PIKFYVE: variants seen among roughly 807,000 people sequenced by gnomAD.
PIKFYVE encodes phosphoinositide kinase, FYVE-type zinc finger containing.
PIKFYVE carries 122 observed loss-of-function variants against 257.9 expected under a neutral mutation model. The observed-to-expected ratio is 0.47, with a 90% CI of 0.41 to 0.55. PIKFYVE has a LOEUF of 0.55. Ranked by LOEUF, PIKFYVE falls within the 20% of genes least tolerant of loss-of-function variation. The pLI is 0.00. For synonymous variants in PIKFYVE, 892 were observed against 868.9 expected (o/e 1.03, Z -0.47); for missense variants, 2,160 against 2,536.6 (o/e 0.85, Z 3.19).
At chr2:208,289,485 G>A (rs1211367428) in intron 7 of PIKFYVE, among the ~76,000 whole-genome samples, 4 of 151,738 alleles carry the variant, frequency 2.6e-5, no homozygotes, top group African/African-American at 4.8e-5. Context: ...GCTGGAGTGC[G>A]GTGGTGTGAT....
At chr2:208,310,597 G>T (rs1694834480) in intron 12 of PIKFYVE, among the ~76,000 whole-genome samples, 2 of 152,170 alleles carry the variant, frequency 1.3e-5, no homozygotes, top group African/African-American at 4.8e-5. Flanking sequence ...ATCTCTAGAT[G>T]TAGTTTTCCG....
chr2:208,355,292 G>A lies in PIKFYVE; in HGVS notation c.6284G>A (p.Gly2095Asp). Reference protein sequence around the residue: ...LMVPDHWTGLGLNC With the variant: ...LMVPDHWTGLDLNC ...GTACCAGACCACTGGACAGGCTTGG[G>A]TCTGAATTGCTGAAATCAAGCACAT... The change falls in exon 42 of 42, where the codon GGT becomes GAT. Residue 2095 changes from glycine (G) to aspartate (D), a missense_variant. Physicochemically the swap from Gly to Asp is moderately conservative, Grantham distance 94. This residue lies in a region of PIKFYVE where 38 missense variants were observed against 77.7 expected (regional missense o/e 0.49). Transcript: ENST00000264380. The A allele has an allele frequency of 6.2e-7, 1 of 1,613,356 alleles. No individual in the cohort carries two copies. Among genetic ancestry groups the A allele is most frequent in the Non-Finnish European group, 8.5e-7 (1 of 1,179,318 alleles).
At position 208,318,040 on chromosome 2, in the gene PIKFYVE, AC is replaced by A; in HGVS notation, c.2082+100del. 4.8e-6 allele frequency: 6 copies of A among 1,243,078 alleles called. No individual in the cohort carries two copies. The South Asian group carries it at 6.0e-5, about 12-fold the overall frequency. The allele number at this position is 1,243,078 out of a possible 1,614,324, so 77.0% of individuals were successfully genotyped here. A position where few individuals can be genotyped will look rare whatever the true frequency, so the allele number is the denominator to read the frequency against. ...TAGTTATGGAAGAAATGGACAATGG[AC>A]AATGAAAGGCAGCTGTGTCTGCCAT... On this transcript the variant is annotated intron_variant, in intron 16 of 41. Transcript: ENST00000264380.
Position 208,326,045 on chromosome 2 carries a change from A to C in PIKFYVE, c.3234A>C (p.Arg1078=). ...AAAAGGGGATGAGATGCTCTACCCG[A>C]GATTATTTTGCAGAGCAGGTTTACT... ...LTEKGMRCST[R]DYFAEQVYWS... Residue 1078 remains arginine (R), a synonymous_variant, in exon 20 of 42, where the codon CGA becomes CGC. Coordinates refer to ENST00000264380, the MANE Select transcript of PIKFYVE (RefSeq NM_015040.4). The C allele has an allele frequency of 6.2e-7, 1 of 1,614,142 alleles. No individual in the cohort carries two copies. Among genetic ancestry groups the C allele is most frequent in the Non-Finnish European group, 8.5e-7 (1 of 1,180,038 alleles).
At chr2:208,318,268 G>A (rs942816694) in intron 16 of PIKFYVE, among the ~76,000 whole-genome samples, 1 of 152,176 alleles carries the variant, frequency 6.6e-6, no homozygotes, top group East Asian at 1.9e-4. Flanking sequence ...CTAGTAGGCT[G>A]GAGTCCTTCC....
At position 208,336,824 on chromosome 2, in the gene PIKFYVE, G is replaced by C; in HGVS notation, c.4521-14G>C. 6.4e-7 allele frequency: 1 copy of C among 1,571,930 alleles called. No individual in the cohort carries two copies. The highest frequency in any genetic ancestry group is 8.7e-7 in the Non-Finnish European group (1 of 1,143,982). On this transcript the variant is annotated splice_polypyrimidine_tract_variant and intron_variant, in intron 27 of 41. Transcript: ENST00000264380. ...CAAACCATATATATATATATTTTTT[G>C]CTTTTGGCCACAGGTTGCAGGACCT... is the stretch of plus-strand genomic sequence containing the variant.
At chr2:208,307,340 T>G (rs938679179) in intron 12 of PIKFYVE, among the ~76,000 whole-genome samples, 13 of 152,208 alleles carry the variant, frequency 8.5e-5, no homozygotes, top group African/African-American at 3.1e-4. Context: ...TCCCCGCTCT[T>G]TAGACTAACT....
intron 36 of PIKFYVE, among the ~76,000 whole-genome samples, chr2:208,350,566 G>A (rs1429224173): frequency 6.6e-6 from 1 of 151,838 alleles, no homozygotes; most frequent in Non-Finnish European, 1.5e-5. Flanking sequence ...AAGTATGTAA[G>A]GATGGTCATA....
At chr2:208,352,883 A>G in intron 39 of PIKFYVE, 101 bp downstream of exon 39, 1 of 1,443,726 alleles carries the variant, frequency 6.9e-7, no homozygotes, top group Non-Finnish European at 9.5e-7. Flanking sequence ...ATTTTATAGT[A>G]AATATTTAAC....
intron 12 of PIKFYVE, chr2:208,305,491 C>A: frequency 2.2e-6 from 2 of 895,906 alleles, no homozygotes; most frequent in Non-Finnish European, 2.7e-6. Context: ...CATAATAATT[C>A]ATAATGCTTA....
intron 23 of PIKFYVE, among the ~76,000 whole-genome samples, chr2:208,331,202 C>T (rs1374771295): frequency 1.3e-5 from 2 of 152,128 alleles, no homozygotes; most frequent in Admixed American, 6.5e-5. Flanking sequence ...GGTTTTTATG[C>T]ATGTTCTTGA....
chr2:208,276,420 G>T (rs1262907610), intron 3 of PIKFYVE, among the ~76,000 whole-genome samples: 1 of 152,040 alleles, frequency 6.6e-6, no homozygotes, highest in Non-Finnish European at 1.5e-5. Flanking sequence ...ATGAATTTTG[G>T]ACCATTTAAG....
rs1432208026 is a variant in PIKFYVE at position 208,356,986 on chromosome 2, GTTTGGTA to G, written c.*1688_*1694del. The G allele has an allele frequency of 2.0e-5, 3 of 152,530 alleles. No individual in the cohort carries two copies. Among genetic ancestry groups the G allele is most frequent in the African/African-American group, 7.2e-5 (3 of 41,458 alleles). The allele number at this position is 152,530 out of a possible 1,614,324, so 9.4% of individuals were successfully genotyped here. A position where few individuals can be genotyped will look rare whatever the true frequency, so the allele number is the denominator to read the frequency against. On this transcript the variant is annotated 3_prime_UTR_variant, in exon 42 of 42. Coordinates refer to ENST00000264380, the MANE Select transcript of PIKFYVE (RefSeq NM_015040.4). ...TTTGCTTTAGAGAATCAAGGCAGTA[GTTTGGTA>G]TTTGGTGCTTATTAAAAATGTGGTT... is the stretch of plus-strand genomic sequence containing the variant.
chr2:208,317,360 C>A (rs933491756), intron 15 of PIKFYVE, among the ~76,000 whole-genome samples: 3 of 151,878 alleles, frequency 2.0e-5, no homozygotes, highest in African/African-American at 7.3e-5. Context: ...ATTTATGCAG[C>A]CAAAAGACAC....
At chr2:208,283,476 T>C (rs1011377855) in intron 5 of PIKFYVE, among the ~76,000 whole-genome samples, 1 of 152,262 alleles carries the variant, frequency 6.6e-6, no homozygotes, top group African/African-American at 2.4e-5. Context: ...TTAGTTCTAA[T>C]AGCTGACTGG....
chr2:208,281,449 C>T (rs1270637662), intron 5 of PIKFYVE, among the ~76,000 whole-genome samples: 1 of 152,162 alleles, frequency 6.6e-6, no homozygotes, highest in Non-Finnish European at 1.5e-5. Context: ...CATGTATTTC[C>T]TTGGTTTTTA....
intron 36 of PIKFYVE, 35 bp downstream of exon 36, chr2:208,350,118 G>A (rs1472997873): frequency 3.7e-6 from 6 of 1,610,438 alleles, no homozygotes; most frequent in Non-Finnish European, 5.1e-6. Context: ...GGTTTGGGGA[G>A]AGGGACTACA....
intron 15 of PIKFYVE, among the ~76,000 whole-genome samples, chr2:208,316,119 T>TG: frequency 6.9e-6 from 1 of 145,256 alleles, no homozygotes; most frequent in South Asian, 2.3e-4. Flanking sequence ...AGTGAGAACA[T>TG]GTGGTGTTTG....
chr2:208,350,879 C>T lies in PIKFYVE; in HGVS notation c.5543C>T (p.Ser1848Phe). 1 of 1,614,102 alleles carries T rather than the reference C, an allele frequency of 6.2e-7. No homozygotes were observed. Among genetic ancestry groups the T allele is most frequent in the Non-Finnish European group, 8.5e-7 (1 of 1,180,012 alleles). The change falls in exon 37 of 42, where the codon TCC becomes TTC. Residue 1848 changes from serine (S) to phenylalanine (F), a missense_variant. Ser to Phe is a radical substitution (Grantham distance 155, BLOSUM62 -2). Transcript: ENST00000264380. The part of the protein sequence containing the change: ...LDSSEEDFIR[S>F]LSHSSPWQAR... ...AGCAGTGAAGAAGATTTCATTCGTT[C>T]CCTCTCCCACTCATCACCCTGGCAG...
Sources: allele counts gnomAD v4.1 joint callset (sites outside exome capture counted in the v4.1 genomes callset), GRCh38; gene constraint gnomAD v4.1.1; regional missense constraint gnomAD v4.1.1; transcripts MANE v1.5; gene names NCBI Gene and HGNC (gene_info 2026-07-23, HGNC 2026-07-21).